ROBO2: variants seen among roughly 807,000 people sequenced by gnomAD.
The protein encoded by ROBO2 is roundabout homolog 2.
ROBO2 carries 53 observed loss-of-function variants against 160.8 expected under a neutral mutation model. The ratio of observed to expected loss-of-function variants is 0.33; its 90% CI spans 0.26 to 0.41. The LOEUF is 0.41. ROBO2 is among the 10% of genes least tolerant of loss of function. The pLI is 1.00. For missense variants in ROBO2, 1,577 were observed against 1,722.4 expected (o/e 0.92, Z 1.49); for synonymous variants, 664 against 611.7 (o/e 1.09, Z -1.26).
chr3:77,038,570 A>T (rs2063772264), upstream of ROBO2, among the ~76,000 whole-genome samples: 1 of 152,032 alleles, frequency 6.6e-6, no homozygotes, highest in South Asian at 2.1e-4. Flanking sequence ...AATATTTTCC[A>T]GTAGGGGGAA....
At chr3:77,341,189 C>A (rs1318529989) in intron 2 of ROBO2, among the ~76,000 whole-genome samples, 1 of 152,056 alleles carries the variant, frequency 6.6e-6, no homozygotes, top group Admixed American at 6.6e-5. Context: ...TGGCCCTTAA[C>A]AGAACAAGTT....
chr3:76,886,320 C>T (rs2073883122), intron 2 of ROBO2, among the ~76,000 whole-genome samples: 2 of 150,830 alleles, frequency 1.3e-5, no homozygotes, highest in Admixed American at 6.6e-5. Context: ...TTTGGAAAAG[C>T]AAGGACACAT....
chr3:76,700,545 C>T (rs774613402), intron 2 of ROBO2, among the ~76,000 whole-genome samples: 3 of 152,052 alleles, frequency 2.0e-5, no homozygotes, highest in Admixed American at 6.6e-5. Flanking sequence ...AGCTGGGCTC[C>T]GACAGTCTTG....
intron 2 of ROBO2, among the ~76,000 whole-genome samples, chr3:77,322,635 C>CGG (rs2064839156): frequency 6.6e-6 from 1 of 150,848 alleles, no homozygotes; most frequent in Non-Finnish European, 1.5e-5. Context: ...ATAATATCCA[C>CGG]ACTTGGTTGG....
At chr3:77,038,187 G>A (rs116304997), upstream of ROBO2, among the ~76,000 whole-genome samples, 1,068 of 152,080 alleles carry the variant, frequency 7.0e-3, 15 homozygotes, top group African/African-American at 0.024. Context: ...CTTTTTTCAC[G>A]GGGTGCTAAA....
intron 2 of ROBO2, among the ~76,000 whole-genome samples, chr3:76,872,184 G>A (rs2072174265): frequency 6.6e-6 from 1 of 152,116 alleles, no homozygotes; most frequent in African/African-American, 2.4e-5. Context: ...CCCAATGAAA[G>A]TATTCCTGTG....
chr3:76,161,871 T>C (rs1370483959), intron 2 of ROBO2, among the ~76,000 whole-genome samples: 1 of 152,188 alleles, frequency 6.6e-6, no homozygotes, highest in African/African-American at 2.4e-5. Flanking sequence ...GTAGCTGTCA[T>C]ACATCATACT....
Position 76,133,089 on chromosome 3 carries a change from CCT to C in ROBO2, c.109+195490_109+195491del, listed in dbSNP as rs2071291360. On this transcript the variant is annotated intron_variant, in intron 2 of 26. Coordinates refer to the ROBO2 transcript ENST00000487694. ...AATACTGGGAACATAGTAAAGGTAA[CCT>C]CTTCAGTGTTTGTAAAATAAAACTA... Among the ~76,000 whole-genome samples, 4 of 151,908 alleles carry C rather than the reference CCT, an allele frequency of 2.6e-5. No homozygotes were observed. In the South Asian group the frequency reaches 8.3e-4, roughly 32 times the overall value.
chr3:77,638,440 G>C (rs896215299), intron 24 of ROBO2, among the ~76,000 whole-genome samples: 1 of 152,152 alleles, frequency 6.6e-6, no homozygotes, highest in African/African-American at 2.4e-5. Flanking sequence ...TTGTTGGGAG[G>C]TTGTAATGGC....
intron 2 of ROBO2, among the ~76,000 whole-genome samples, chr3:76,614,657 C>G (rs2088423170): frequency 6.6e-6 from 1 of 152,116 alleles, no homozygotes; most frequent in Non-Finnish European, 1.5e-5. Flanking sequence ...TTTGTTTTAT[C>G]AACAATGGTT....
chr3:77,607,486 C>G (rs2094547918), intron 20 of ROBO2, among the ~76,000 whole-genome samples: 1 of 152,044 alleles, frequency 6.6e-6, no homozygotes, highest in Admixed American at 6.5e-5. Flanking sequence ...TTTGTTATGG[C>G]CCATTATTTC....
intron 2 of ROBO2, among the ~76,000 whole-genome samples, chr3:76,901,869 G>T (rs1352900665): frequency 1.3e-5 from 2 of 151,610 alleles, no homozygotes; most frequent in African/African-American, 4.8e-5. Context: ...ATTTAGTTTG[G>T]TTCAATCCTA....
At chr3:76,680,639 A>AT (rs1233856555) in intron 2 of ROBO2, among the ~76,000 whole-genome samples, 1 of 152,048 alleles carries the variant, frequency 6.6e-6, no homozygotes, top group Non-Finnish European at 1.5e-5. Flanking sequence ...TGTGATATAG[A>AT]TTTTTTTCTA....
chr3:76,659,355 A>G (rs1364433406), intron 2 of ROBO2, among the ~76,000 whole-genome samples: 5 of 149,340 alleles, frequency 3.3e-5, no homozygotes, highest in Non-Finnish European at 7.4e-5. Flanking sequence ...GCATATAAAT[A>G]TATACATATA....
intron 2 of ROBO2, among the ~76,000 whole-genome samples, chr3:76,795,029 T>C (rs1236086464): frequency 1.3e-5 from 2 of 152,052 alleles, no homozygotes; most frequent in African/African-American, 2.4e-5. Flanking sequence ...GCTTTCTCAG[T>C]GTGTATGAAA....
intron 2 of ROBO2, among the ~76,000 whole-genome samples, chr3:76,493,836 GA>G (rs1017703986): frequency 2.6e-5 from 4 of 152,094 alleles, no homozygotes; most frequent in Admixed American, 6.5e-5. Context: ...CTCAATAACA[GA>G]AAGTAATTTT....
chr3:77,179,916 A>G (rs957764599), intron 2 of ROBO2, among the ~76,000 whole-genome samples: 1 of 152,110 alleles, frequency 6.6e-6, no homozygotes, highest in Non-Finnish European at 1.5e-5. Flanking sequence ...TTGTAATTAG[A>G]TAAGGAAAAC....
chr3:76,108,118 A>G (rs573935117), intron 2 of ROBO2, among the ~76,000 whole-genome samples: 1 of 152,058 alleles, frequency 6.6e-6, no homozygotes, highest in African/African-American at 2.4e-5. Flanking sequence ...TTTATTTCTC[A>G]ATCTTTCTGA....
At chr3:77,330,609 G>A (rs773532425) in intron 2 of ROBO2, among the ~76,000 whole-genome samples, 61 of 152,346 alleles carry the variant, frequency 4.0e-4, no homozygotes, top group Non-Finnish European at 8.2e-4. Context: ...AAAGAAGCCT[G>A]TATAGACAAA....
Sources: allele counts gnomAD v4.1 joint callset (sites outside exome capture counted in the v4.1 genomes callset), GRCh38; gene constraint gnomAD v4.1.1; transcripts MANE v1.5; gene names NCBI Gene and HGNC (gene_info 2026-07-23, HGNC 2026-07-21).